The following PEAK1 variants were observed in gnomAD, a reference collection of about 807,000 sequenced individuals.
The protein encoded by PEAK1 is pseudopodium enriched atypical kinase 1.
A neutral mutation model predicts 124.7 loss-of-function variants in PEAK1; 54 were observed. The ratio of observed to expected loss-of-function variants is 0.43; its 90% CI spans 0.35 to 0.54. PEAK1 has a LOEUF of 0.54. Ranked by LOEUF, PEAK1 falls within the 20% of genes least tolerant of loss-of-function variation. PEAK1 has a pLI of 0.01. For synonymous variants in PEAK1, 719 were observed against 760.0 expected (o/e 0.95, Z 0.89); for missense variants, 2,046 against 2,134.5 (o/e 0.96, Z 0.82).
intron 5 of PEAK1, among the ~76,000 whole-genome samples, chr15:77,261,756 G>A (rs1268700056): frequency 6.6e-6 from 1 of 152,064 alleles, no homozygotes; most frequent in African/African-American, 2.4e-5. Context: ...GAAATACAGA[G>A]AACGTCATAA....
At chr15:77,273,869 C>G (rs2152957475) in intron 5 of PEAK1, among the ~76,000 whole-genome samples, 1 of 152,218 alleles carries the variant, frequency 6.6e-6, no homozygotes, top group East Asian at 1.9e-4. Flanking sequence ...CATTACCCAA[C>G]TTCAAACGAT....
chr15:77,380,857 G>A (rs1285767512), intron 1 of PEAK1, among the ~76,000 whole-genome samples: 2 of 152,124 alleles, frequency 1.3e-5, no homozygotes, highest in Non-Finnish European at 2.9e-5. Context: ...AGTGTTGCTG[G>A]AAACCCTGGT....
intron 2 of PEAK1, among the ~76,000 whole-genome samples, chr15:77,315,228 A>T (rs2064797915): frequency 6.6e-6 from 1 of 152,200 alleles, no homozygotes; most frequent in South Asian, 2.1e-4. Context: ...TGATGCCATA[A>T]ATACAAGATT....
At chr15:77,419,710 G>C (rs1353075145) in intron 1 of PEAK1, 6 of 975,140 alleles carry the variant, frequency 6.2e-6, no homozygotes, top group Non-Finnish European at 7.3e-6. Flanking sequence ...CTTCCTCTGG[G>C]GGGCGTCGCG....
At chr15:77,359,590 C>G (rs1227500137) in intron 2 of PEAK1, among the ~76,000 whole-genome samples, 36 of 151,986 alleles carry the variant, frequency 2.4e-4, no homozygotes, top group Admixed American at 2.4e-3. Context: ...TTACAATTAA[C>G]AAATAAGTTC....
chr15:77,366,464 C>G (rs1021647638), intron 1 of PEAK1, among the ~76,000 whole-genome samples: 1 of 151,886 alleles, frequency 6.6e-6, no homozygotes, highest in African/African-American at 2.4e-5. Context: ...CAAGTGATAA[C>G]GTAATATAAT....
chr15:77,179,429 T>C lies in PEAK1; in HGVS notation c.2498A>G (p.Gln833Arg). Residue 833 changes from glutamine (Q) to arginine (R), a missense_variant, in exon 7 of 10, where the codon CAG becomes CGG. Transcript: ENST00000682557. ...TTTGGTGGTAGGACTGTCTGTGGTC[T>C]GAGGTGCTTCAGCCTCACCACTAGG... is the stretch of plus-strand genomic sequence containing the variant. ...SQPSGEAEAP[Q>R]TTDSPTTKVQ... The C allele has an allele frequency of 6.2e-7, 1 of 1,614,160 alleles. No homozygotes were observed. The highest frequency in any genetic ancestry group is 8.5e-7 in the Non-Finnish European group (1 of 1,180,014).
At chr15:77,121,003 C>T (rs1450816145) in intron 9 of PEAK1, among the ~76,000 whole-genome samples, 1 of 152,092 alleles carries the variant, frequency 6.6e-6, no homozygotes. Context: ...TTCTGTGTTA[C>T]TTCTATATCT....
At chr15:77,362,456 T>A (rs1597442339) in intron 2 of PEAK1, among the ~76,000 whole-genome samples, 1 of 152,202 alleles carries the variant, frequency 6.6e-6, no homozygotes, top group Non-Finnish European at 1.5e-5. Flanking sequence ...ATATACCACT[T>A]CACATCCACT....
intron 2 of PEAK1, among the ~76,000 whole-genome samples, chr15:77,302,116 C>A (rs549663266): frequency 6.6e-6 from 1 of 152,150 alleles, no homozygotes; most frequent in East Asian, 1.9e-4. Context: ...ATATTTCCTA[C>A]CCCAGGGCTA....
chr15:77,390,267 G>C (rs564183401), intron 1 of PEAK1, among the ~76,000 whole-genome samples: 72 of 152,304 alleles, frequency 4.7e-4, no homozygotes, highest in Admixed American at 9.8e-4. Flanking sequence ...GTATAAGTAA[G>C]AGCAGGAAAG....
At chr15:77,406,361 A>T (rs976810169) in intron 1 of PEAK1, among the ~76,000 whole-genome samples, 1 of 152,184 alleles carries the variant, frequency 6.6e-6, no homozygotes, top group Non-Finnish European at 1.5e-5. Context: ...CTGATGATAT[A>T]ATCATATACC....
At chr15:77,166,933 A>G (rs545532872) in intron 7 of PEAK1, among the ~76,000 whole-genome samples, 1 of 152,264 alleles carries the variant, frequency 6.6e-6, no homozygotes, top group South Asian at 2.1e-4. Flanking sequence ...CCTAAGAATT[A>G]CCTGGGGAGC....
rs1269031278 is a variant in PEAK1 at position 77,283,919 on chromosome 15, A to G, written c.-311T>C. 1.1e-5 allele frequency: 11 copies of G among 981,978 alleles called. No homozygotes were observed. The highest frequency in any genetic ancestry group is 1.3e-5 in the Non-Finnish European group (11 of 826,892). 60.8% of individuals were successfully genotyped at this position (981,978 alleles called of 1,614,324 possible). On this transcript the variant is annotated 5_prime_UTR_variant, in exon 5 of 10. Coordinates refer to ENST00000682557, the MANE Select transcript of PEAK1 (RefSeq NM_001385026.1). The stretch of plus-strand genomic sequence containing the variant: ...TGTTATTTATATAGCTGTAGTCATT[A>G]CTACTTTCATATTAGAAAATGTTTG...
intron 6 of PEAK1, among the ~76,000 whole-genome samples, chr15:77,251,307 AT>A (rs1389236170): frequency 9.2e-5 from 14 of 152,348 alleles, no homozygotes; most frequent in African/African-American, 3.1e-4. Flanking sequence ...ACTACTTGAA[AT>A]CAAATAGTAT....
chr15:77,350,532 A>C (rs1204737457), intron 2 of PEAK1: 1 of 980,858 alleles, frequency 1.0e-6, no homozygotes, highest in Non-Finnish European at 1.2e-6. Flanking sequence ...ACATGATAAT[A>C]CAATTGTGAG....
intron 2 of PEAK1, among the ~76,000 whole-genome samples, chr15:77,353,170 C>T (rs538763774): frequency 2.6e-5 from 4 of 152,336 alleles, no homozygotes; most frequent in South Asian, 4.1e-4. Flanking sequence ...CAAAGGCATT[C>T]CAAGTATCGA....
chr15:77,332,119 A>C, intron 2 of PEAK1: 1 of 842,960 alleles, frequency 1.2e-6, no homozygotes. Context: ...GCAAGACTCC[A>C]TCTCAAAAAA....
intron 5 of PEAK1, among the ~76,000 whole-genome samples, chr15:77,265,611 T>C (rs970371625): frequency 2.6e-5 from 4 of 151,906 alleles, no homozygotes; most frequent in Non-Finnish European, 5.9e-5. Flanking sequence ...AAACAACAGG[T>C]GCTGGAGAGG....
Sources: gnomAD v4.1 joint callset for allele counts (sites outside exome capture counted in the v4.1 genomes callset) on GRCh38, gnomAD v4.1.1 for gene constraint, MANE v1.5 for transcripts, NCBI Gene and HGNC (gene_info 2026-07-23, HGNC 2026-07-21) for gene names.